PCDHA3: variants seen among roughly 807,000 people sequenced by gnomAD.
PCDHA3 encodes the protein protocadherin alpha 3.
In PCDHA3, 41 loss-of-function variants were observed where a neutral mutation model predicts 62.2. That is an observed-to-expected ratio of 0.66 (90% CI 0.51 to 0.86). The LOEUF (loss-of-function observed/expected upper bound fraction) is 0.86, where lower values mean the gene tolerates loss of function less well. PCDHA3 is among the 40% of genes least tolerant of loss of function. The pLI is 0.00. For missense variants in PCDHA3, 1,304 were observed against 1,241.2 expected, an observed-to-expected ratio of 1.05 and a Z score of -0.76; for synonymous variants, 640 against 555.4, an observed-to-expected ratio of 1.15 and a Z score of -2.14.
intron 1 of PCDHA3, chr5:140,863,295 C>A: frequency 6.8e-7 from 1 of 1,463,648 alleles, no homozygotes; most frequent in South Asian, 1.1e-5. Context: ...TGTACCTGAT[C>A]ATCGCCATCT....
rs2150492048 is a variant in PCDHA3, at chr5:140,850,648, A to T, written c.2394+47057A>T. The T allele has an allele frequency of 6.9e-6, 11 of 1,598,398 alleles. No individual in the cohort carries two copies. In the South Asian group the frequency reaches 1.1e-4, roughly 16 times the overall value. On this transcript the variant is annotated intron_variant, in intron 1 of 3. Coordinates refer to ENST00000522353, the MANE Select transcript of PCDHA3 (RefSeq NM_018906.3). ...CTGTTGGTTCTCACGCTGCTGCTGT[A>T]CACTGTGCTGCGGTGCTCGGCGATG...
rs1479171365 is a variant in PCDHA3, at chr5:140,869,633, A to AT, written c.2394+66047dup. 9 of 1,613,494 alleles carry AT rather than the reference A, an allele frequency of 5.6e-6. No homozygotes were observed. In the African/African-American group the frequency reaches 8.0e-5, roughly 14 times the overall value. On this transcript the variant is annotated intron_variant, in intron 1 of 3. Coordinates refer to ENST00000522353, the MANE Select transcript of PCDHA3 (RefSeq NM_018906.3). ...ACCTACAGGCTAAGTAAAAATGAGT[A>AT]TTTTTCTTTAGATTCACCAACAAAT...
At chr5:140,988,556 C>A (rs574182013) in intron 3 of PCDHA3, among the ~76,000 whole-genome samples, 1 of 152,158 alleles carries the variant, frequency 6.6e-6, no homozygotes, top group South Asian at 2.1e-4. Flanking sequence ...TCTTCATCTT[C>A]TTCTTGGGAA....
chr5:140,955,813 G>A (rs1428196745), intron 1 of PCDHA3, among the ~76,000 whole-genome samples: 1 of 152,096 alleles, frequency 6.6e-6, no homozygotes, highest in Non-Finnish European at 1.5e-5. Context: ...TGTGTCCACT[G>A]TGATTTCCTT....
intron 1 of PCDHA3, chr5:140,813,746 A>G (rs1765372320): frequency 6.6e-6 from 1 of 152,412 alleles, no homozygotes; most frequent in Non-Finnish European, 1.5e-5. Flanking sequence ...CTGTAATCCC[A>G]GCACTTTGGG....
chr5:140,902,413 C>T (rs2069433988), intron 1 of PCDHA3, among the ~76,000 whole-genome samples: 1 of 152,014 alleles, frequency 6.6e-6, no homozygotes, highest in African/African-American at 2.4e-5. Context: ...TGTTGAATAA[C>T]AGTGGTGAAA....
intron 1 of PCDHA3, chr5:140,858,619 C>T: frequency 8.6e-7 from 1 of 1,161,702 alleles, no homozygotes; most frequent in Non-Finnish European, 1.2e-6. Context: ...TTTATCCTAC[C>T]CAGTGTGTCA....
intron 1 of PCDHA3, chr5:140,860,476 G>A (rs1456923557): frequency 3.9e-5 from 6 of 152,106 alleles, no homozygotes; most frequent in Non-Finnish European, 8.8e-5. Context: ...TGGTGCAGTA[G>A]TACTTTATTT....
chr5:140,929,554 C>G (rs899446101), intron 1 of PCDHA3: 17 of 488,414 alleles, frequency 3.5e-5, no homozygotes, highest in Non-Finnish European at 5.5e-5. Flanking sequence ...AAAATTAAAA[C>G]CTATTTAAGA....
chr5:141,004,369 C>T (rs1239142670), intron 3 of PCDHA3, among the ~76,000 whole-genome samples: 1 of 152,324 alleles, frequency 6.6e-6, no homozygotes, highest in South Asian at 2.1e-4. Context: ...ACACCTTGTT[C>T]TGCTCTGCGG....
chr5:140,823,270 G>A, intron 1 of PCDHA3: 1 of 1,612,658 alleles, frequency 6.2e-7, no homozygotes, highest in Non-Finnish European at 8.5e-7. Flanking sequence ...GCGGCGGGTG[G>A]GCGAGCGCCC....
chr5:140,828,511 G>T lies in PCDHA3; in HGVS notation c.2394+24920G>T, dbSNP rs2150156254. ...TGTTCCCGGTAGAGGAACAAAGAGTGCTGATTTACGAATCTAGGCTGCCAG... is the reference window on the plus strand; with the variant it reads ...TGTTCCCGGTAGAGGAACAAAGAGTTCTGATTTACGAATCTAGGCTGCCAG... On this transcript the variant is annotated intron_variant, in intron 1 of 3. Transcript: ENST00000522353. 9 of 1,614,130 alleles carry T rather than the reference G, an allele frequency of 5.6e-6. No individual in the cohort carries two copies. The Admixed American group carries it at 1.3e-4, about 24-fold the overall frequency.
rs17844346 is a variant in PCDHA3 at position 140,857,813 on chromosome 5, G to T, written c.2394+54222G>T. On this transcript the variant is annotated intron_variant, in intron 1 of 3. Transcript: ENST00000522353. Reference sequence around the variant, plus strand: ...GCTGCGGTCGGTGGTTGCGGGTCACGTGGTGGCTAAGGTGCGCGCAGTGGA... The same window carrying T: ...GCTGCGGTCGGTGGTTGCGGGTCACTTGGTGGCTAAGGTGCGCGCAGTGGA... 43 of 1,597,700 alleles carry T rather than the reference G, an allele frequency of 2.7e-5. 5 individuals are homozygous for T. The highest frequency in any genetic ancestry group is 1.8e-4 in the East Asian group (8 of 44,836).
intron 1 of PCDHA3, chr5:140,830,250 C>A (rs1435019296): frequency 1.9e-6 from 3 of 1,613,904 alleles, no homozygotes; most frequent in Non-Finnish European, 8.5e-7. Flanking sequence ...CTGTACACAG[C>A]GCTGCGGTGC....
chr5:140,844,531 T>C (rs1779420037), intron 1 of PCDHA3, among the ~76,000 whole-genome samples: 1 of 149,526 alleles, frequency 6.7e-6, no homozygotes, highest in African/African-American at 2.4e-5. Context: ...ACTCTAATCA[T>C]TCAACCCTTT....
Position 140,801,824 on chromosome 5 carries a change from T to G in PCDHA3, c.627T>G (p.Tyr209Ter), listed in dbSNP as rs781883611. Residue 209 changes from tyrosine to a stop codon, truncating the protein, a stop_gained, in exon 1 of 4, where the codon TAT becomes TAG. Coordinates refer to ENST00000522353, the MANE Select transcript of PCDHA3 (RefSeq NM_018906.3). LOFTEE classifies it high-confidence loss of function. Reference sequence around the variant, plus strand: ...ATCGAGAGGACACTCCTAAGCATTATTTACTAATAACAGCAATTGATGGTG... The same window carrying G: ...ATCGAGAGGACACTCCTAAGCATTAGTTACTAATAACAGCAATTGATGGTG... ...NLNREDTPKH[Y>*]LLITAIDGGK... The G allele has an allele frequency of 9.9e-6, 16 of 1,614,016 alleles. No homozygotes were observed. The East Asian group carries it at 3.6e-4, about 36-fold the overall frequency.
chr5:140,863,444 G>A, intron 1 of PCDHA3: 4 of 585,532 alleles, frequency 6.8e-6, no homozygotes, highest in South Asian at 2.8e-5. Context: ...GGTCTTACTC[G>A]CAGCAAAGGA....
intron 3 of PCDHA3, among the ~76,000 whole-genome samples, chr5:140,988,281 A>G (rs2097291171): frequency 2.0e-5 from 3 of 152,202 alleles, no homozygotes; most frequent in Admixed American, 2.0e-4. Context: ...GTCACCTGCC[A>G]TCTGACAGCC....
rs138450064 is a variant in PCDHA3, at chr5:140,818,961, A to G, written c.2394+15370A>G. Among the ~76,000 whole-genome samples, 26 of 152,350 alleles carry G rather than the reference A, an allele frequency of 1.7e-4. No individual in the cohort carries two copies. In the East Asian group the frequency reaches 4.6e-3, roughly 27 times the overall value. Reference sequence around the variant, plus strand: ...CATGAACATTGATATTCACTATCTCAGGGATATGTTAGAACTATTCTCATA... The same window carrying G: ...CATGAACATTGATATTCACTATCTCGGGGATATGTTAGAACTATTCTCATA... On this transcript the variant is annotated intron_variant, in intron 1 of 3. Coordinates refer to ENST00000522353, the MANE Select transcript of PCDHA3 (RefSeq NM_018906.3).
Sources: allele counts gnomAD v4.1 joint callset (sites outside exome capture counted in the v4.1 genomes callset), GRCh38; gene constraint gnomAD v4.1.1; transcripts MANE v1.5; gene names NCBI Gene and HGNC (gene_info 2026-07-23, HGNC 2026-07-21).